Variants in RNF114 observed in about 807,000 individuals in gnomAD.
RNF114 encodes ring finger protein 114.
In RNF114, 6 loss-of-function variants were observed where a neutral mutation model predicts 28.4. That is an observed-to-expected ratio of 0.21 (90% CI 0.12 to 0.42). The LOEUF is 0.42. Ranked by LOEUF, RNF114 falls within the 10% of genes least tolerant of loss-of-function variation. The probability of loss-of-function intolerance (pLI) is 1.00; values close to 1 mark genes in which losing one functional copy is unlikely to be tolerated. For synonymous variants in RNF114, 115 were observed against 116.7 expected, an observed-to-expected ratio of 0.99 and a Z score of 0.09; for missense variants, 249 against 311.7, an observed-to-expected ratio of 0.80 and a Z score of 1.51.
Position 49,952,995 on chromosome 20 carries a change from C to T in RNF114, c.*854C>T, listed in dbSNP as rs1366412305. The T allele has an allele frequency of 1.3e-5, 2 of 152,256 alleles. No individual in the cohort carries two copies. Among genetic ancestry groups the T allele is most frequent in the South Asian group, 2.1e-4 (1 of 4,834 alleles). 9.4% of individuals were successfully genotyped at this position (152,256 alleles called of 1,614,324 possible). On this transcript the variant is annotated 3_prime_UTR_variant, in exon 6 of 6. Coordinates refer to ENST00000244061, the MANE Select transcript of RNF114 (RefSeq NM_018683.4). The stretch of plus-strand genomic sequence containing the variant: ...TTGGGAGCCTGCCTACATTCTTGTT[C>T]TAGAAGCACAAAAAATCCTCAGATG...
chr20:49,943,429 G>A (rs2090315159), intron 2 of RNF114, among the ~76,000 whole-genome samples: 1 of 152,052 alleles, frequency 6.6e-6, no homozygotes, highest in Non-Finnish European at 1.5e-5. Flanking sequence ...CTTGAGCCCA[G>A]AAGTTTGAGA....
At chr20:49,938,356 C>T (rs2090295348) in intron 1 of RNF114, among the ~76,000 whole-genome samples, 1 of 152,152 alleles carries the variant, frequency 6.6e-6, no homozygotes, top group Non-Finnish European at 1.5e-5. Flanking sequence ...CCCACGTGAT[C>T]AGCAGTTCAG....
chr20:49,945,469 G>C lies in RNF114; in HGVS notation c.379G>C (p.Asp127His). The C allele has an allele frequency of 6.2e-7, 1 of 1,607,812 alleles. No individual in the cohort carries two copies. Among genetic ancestry groups the C allele is most frequent in the Non-Finnish European group, 8.5e-7 (1 of 1,174,310 alleles). ...IMEGVKATIK[D>H]ASLQPRNVPN... ...GGAAGGTGTGAAGGCCACCATTAAG[G>C]ATGCATCTCTTCAGCCAAGGTAAAT... The change falls in exon 3 of 6, where the codon GAT (aspartate) becomes CAT (histidine). Residue 127 changes from aspartate (D) to histidine (H), a missense_variant. By Grantham distance (81) the Asp-to-His change is moderately conservative (BLOSUM62 -1). Coordinates refer to ENST00000244061, the MANE Select transcript of RNF114 (RefSeq NM_018683.4).
rs1470023294 is a variant in RNF114, at chr20:49,952,660, G to A, written c.*519G>A. ...CAGAAGCTGGGGTTGCCATCCCGGG[G>A]TACATGTCACCAGTCCTCTTGGGGT... On this transcript the variant is annotated 3_prime_UTR_variant, in exon 6 of 6. Coordinates refer to ENST00000244061, the MANE Select transcript of RNF114 (RefSeq NM_018683.4). 5.7e-6 allele frequency: 1 copy of A among 176,936 alleles called. No individual in the cohort carries two copies. The highest frequency in any genetic ancestry group is 1.2e-5 in the Non-Finnish European group (1 of 84,228). The allele number at this position is 176,936 out of a possible 1,614,324, so 11.0% of individuals were successfully genotyped here. A position where few individuals can be genotyped will look rare whatever the true frequency, so the allele number is the denominator to read the frequency against.
At chr20:49,936,689 A>C in intron 1 of RNF114, 137 bp downstream of exon 1, 1 of 1,077,560 alleles carries the variant, frequency 9.3e-7, no homozygotes, top group East Asian at 3.2e-5. Context: ...CGGGGCTCCT[A>C]AGGGCCGTGA....
At chr20:49,943,761 C>T (rs927168681) in intron 2 of RNF114, among the ~76,000 whole-genome samples, 1 of 142,528 alleles carries the variant, frequency 7.0e-6, no homozygotes, top group Non-Finnish European at 1.5e-5. Context: ...TGGGTTCACG[C>T]CATTCTCCTG....
chr20:49,948,513 C>T (rs6020146), intron 4 of RNF114, among the ~76,000 whole-genome samples: 18 of 151,772 alleles, frequency 1.2e-4, no homozygotes, highest in African/African-American at 4.1e-4. Context: ...TCTTGGCTCA[C>T]TGCAACCTCC....
At chr20:49,936,662 C>T in intron 1 of RNF114, 110 bp downstream of exon 1, 2 of 1,367,242 alleles carry the variant, frequency 1.5e-6, no homozygotes, top group Middle Eastern at 2.5e-4. Context: ...CCAGAGGGGC[C>T]TCCCGGGGGT....
chr20:49,949,960 A>T (rs1230763627), intron 5 of RNF114, among the ~76,000 whole-genome samples: 2 of 147,972 alleles, frequency 1.4e-5, no homozygotes, highest in Non-Finnish European at 1.5e-5. Context: ...ACATTTAAGA[A>T]GATGATCTGG....
intron 2 of RNF114, 133 bp from the exon 3 acceptor site, chr20:49,945,249 G>T (rs1248310993): frequency 3.3e-6 from 2 of 608,388 alleles, no homozygotes; most frequent in Non-Finnish European, 6.0e-6. Flanking sequence ...CCCCATCAGC[G>T]TAGTCAGGAG....
intron 3 of RNF114, 43 bp from the exon 4 acceptor site, chr20:49,946,093 A>T: frequency 1.9e-6 from 2 of 1,029,310 alleles, no homozygotes; most frequent in Non-Finnish European, 3.0e-6. Context: ...ATGGAAAGGT[A>T]CTCACAGAAA....
intron 1 of RNF114, among the ~76,000 whole-genome samples, chr20:49,940,431 G>A (rs528252288): frequency 6.9e-6 from 1 of 145,794 alleles, no homozygotes; most frequent in Non-Finnish European, 1.5e-5. Context: ...TTTTTTTTGA[G>A]ACGGAGTCTC....
At chr20:49,938,953 G>C (rs1334644975) in intron 1 of RNF114, among the ~76,000 whole-genome samples, 2 of 152,220 alleles carry the variant, frequency 1.3e-5, no homozygotes, top group Non-Finnish European at 2.9e-5. Flanking sequence ...GGCCCTGCCT[G>C]TCTCTACTGC....
At position 49,936,583 on chromosome 20, in the gene RNF114, G is replaced by A. The variant is rs1451661956; in HGVS notation, c.140+31G>A. 5.1e-6 allele frequency: 8 copies of A among 1,572,118 alleles called. No homozygotes were observed. The African/African-American group carries it at 8.3e-5, about 16-fold the overall frequency. ...CGGCGAGCCCGGGCCTGGTCGGGGG[G>A]CGCTTAACTGGGAAGGGAATGGAGC... On this transcript the variant is annotated intron_variant, in intron 1 of 5. Transcript: ENST00000244061.
chr20:49,946,541 T>C (rs1481284161), intron 4 of RNF114, among the ~76,000 whole-genome samples: 1 of 152,210 alleles, frequency 6.6e-6, no homozygotes, highest in East Asian at 1.9e-4. Flanking sequence ...AATTATATTT[T>C]TGTGTGTATA....
intron 1 of RNF114, 45 bp downstream of exon 1, chr20:49,936,597 A>C (rs756013999): frequency 1.3e-4 from 208 of 1,565,278 alleles, no homozygotes; most frequent in Non-Finnish European, 1.8e-4. Flanking sequence ...TTAACTGGGA[A>C]GGGAATGGAG....
Position 49,952,085 on chromosome 20 carries a change from G to A in RNF114, c.631G>A (p.Val211Ile). Residue 211 changes from valine to isoleucine, a missense_variant, in exon 6 of 6, where the codon GTT becomes ATT. Around this residue, in one of 2 missense-constraint regions of RNF114, gnomAD observed 126 missense variants for 205.3 expected, o/e 0.61. Transcript: ENST00000244061. ...FSYDTFVDYDVDEEDMMNQVL... is the reference protein window; with the variant it reads ...FSYDTFVDYDIDEEDMMNQVL... Reference sequence around the variant, plus strand: ...CTCTTTTTGCCCTTAGGATTATGATGTTGATGAAGAGGACATGATGAATCA... The same window carrying A: ...CTCTTTTTGCCCTTAGGATTATGATATTGATGAAGAGGACATGATGAATCA... 1 of 1,613,678 alleles carries A rather than the reference G, an allele frequency of 6.2e-7. No individual in the cohort carries two copies.
chr20:49,940,772 C>A (rs929917766), intron 1 of RNF114, among the ~76,000 whole-genome samples: 1 of 151,550 alleles, frequency 6.6e-6, no homozygotes, highest in Admixed American at 6.6e-5. Context: ...CCCTCCACCC[C>A]CCCCTTGAGA....
intron 4 of RNF114, among the ~76,000 whole-genome samples, chr20:49,947,769 G>GTTTTTTTTTGTTTTGTTTTTTTT (rs2090338798): frequency 2.0e-5 from 1 of 50,422 alleles, no homozygotes; most frequent in African/African-American, 8.4e-5. Flanking sequence ...CCCTCTGCAA[G>GTTTTTTTTTGTTTTGTTTTTTTT]TTTTTTTTTT....
Sources: allele counts gnomAD v4.1 joint callset (sites outside exome capture counted in the v4.1 genomes callset), GRCh38; gene constraint gnomAD v4.1.1; regional missense constraint gnomAD v4.1.1; transcripts MANE v1.5; gene names NCBI Gene and HGNC (gene_info 2026-07-23, HGNC 2026-07-21).